The following PASK variants were observed in gnomAD, a reference collection of about 807,000 sequenced individuals.
The protein encoded by PASK is PAS domain-containing serine/threonine-protein kinase.
In PASK, 110 loss-of-function variants were observed where a neutral mutation model predicts 121.0. That is an observed-to-expected ratio of 0.91 (90% CI 0.78 to 1.06). The LOEUF (loss-of-function observed/expected upper bound fraction) is 1.06, where lower values mean the gene tolerates loss of function less well. Among genes scored for constraint, PASK ranks in the 50% least tolerant of loss-of-function variants. The pLI is 0.00. For missense variants in PASK, 1,643 were observed against 1,702.3 expected (o/e 0.97, Z 0.61); for synonymous variants, 686 against 717.8 (o/e 0.96, Z 0.71).
At chr2:241,130,763 A>G (rs1358049740) in intron 9 of PASK, among the ~76,000 whole-genome samples, 3 of 152,120 alleles carry the variant, frequency 2.0e-5, no homozygotes, top group Non-Finnish European at 4.4e-5. Context: ...GCACCGGCAC[A>G]TCGGCCAGTG....
intron 8 of PASK, 144 bp downstream of exon 8, chr2:241,135,727 C>T (rs2066384159): frequency 1.6e-6 from 1 of 639,986 alleles, no homozygotes; most frequent in Non-Finnish European, 2.7e-6. Flanking sequence ...AACCAGAAAA[C>T]AGTCACCCCC....
At chr2:241,118,138 C>T (rs1312289160) in intron 12 of PASK, among the ~76,000 whole-genome samples, 1 of 150,832 alleles carries the variant, frequency 6.6e-6, no homozygotes, top group African/African-American at 2.4e-5. Context: ...GGCTTTTTTG[C>T]AAAACTGACA....
chr2:241,122,966 G>T (rs1252536159), intron 11 of PASK, 67 bp from the exon 12 acceptor site: 1 of 1,520,748 alleles, frequency 6.6e-7, no homozygotes, highest in Non-Finnish European at 9.0e-7. Context: ...AGCACCCACA[G>T]TGGTCCCCCT....
intron 12 of PASK, among the ~76,000 whole-genome samples, chr2:241,116,098 G>A (rs2065353946): frequency 7.1e-6 from 1 of 141,294 alleles, no homozygotes; most frequent in Admixed American, 6.9e-5. Context: ...CATTACACCA[G>A]GGACACCCAA....
Position 241,148,803 on chromosome 2 carries a change from C to T in PASK, c.-43+611G>A, listed in dbSNP as rs560325046. On this transcript the variant is annotated intron_variant, in intron 1 of 17. Transcript: ENST00000234040. ...AGCAGAAAGATGAAGAGAGGGAACCCCTAAGAGAAAAATGGACATCGAATG... is the reference window on the plus strand; with the variant it reads ...AGCAGAAAGATGAAGAGAGGGAACCTCTAAGAGAAAAATGGACATCGAATG... Among the ~76,000 whole-genome samples, 8 of 152,226 alleles carry T rather than the reference C, an allele frequency of 5.3e-5. No individual in the cohort carries two copies. In the East Asian group the frequency reaches 1.5e-3, roughly 29 times the overall value.
chr2:241,106,945 T>C (rs2064909976), intron 17 of PASK, among the ~76,000 whole-genome samples: 1 of 152,228 alleles, frequency 6.6e-6, no homozygotes, highest in Admixed American at 6.5e-5. Flanking sequence ...GTTTTGGCTC[T>C]GTGGCCAGAG....
rs937589990 is a variant in PASK at position 241,107,477 on chromosome 2, C to G, written c.3690G>C (p.Gly1230=). ...VSKELMSLVS[G]LLQPVPERRT... The stretch of plus-strand genomic sequence containing the variant: ...GTCTCTCAGGGACTGGCTGCAGCAG[C>G]CCAGACACAAGGCTCATGAGTTCTG... The change falls in exon 17 of 18, where the codon GGG becomes GGC. Residue 1230 remains glycine, a synonymous_variant. Transcript: ENST00000234040. The G allele has an allele frequency of 1.9e-6, 3 of 1,614,030 alleles. No individual in the cohort carries two copies. The highest frequency in any genetic ancestry group is 2.5e-6 in the Non-Finnish European group (3 of 1,179,938).
At chr2:241,144,848 G>A (rs1270804623) in intron 1 of PASK, among the ~76,000 whole-genome samples, 1 of 152,176 alleles carries the variant, frequency 6.6e-6, no homozygotes, top group Non-Finnish European at 1.5e-5. Flanking sequence ...GCCATCTTTG[G>A]TGTTCTTGAC....
Position 241,115,320 on chromosome 2 carries a change from G to A in PASK, c.3166C>T (p.Leu1056=). Residue 1056 remains leucine, a synonymous_variant, in exon 13 of 18, where the codon CTA becomes TTA. Transcript: ENST00000234040. ...ATATTGGCGTGCTCCACCCTGGATA[G>A]AATTGCGATCTCTAAAGTAACTTTC... ...LGKVTLEIAI[L]SRVEHANIIK... 1 of 1,613,974 alleles carries A rather than the reference G, an allele frequency of 6.2e-7. No homozygotes were observed. The highest frequency in any genetic ancestry group is 1.7e-5 in the Admixed American group (1 of 60,012).
upstream of PASK, chr2:241,149,484 A>C: frequency 1.5e-6 from 1 of 646,258 alleles, no homozygotes; most frequent in Non-Finnish European, 2.6e-6. Flanking sequence ...CTTTTATCCC[A>C]CCGACCAATC....
intron 9 of PASK, among the ~76,000 whole-genome samples, chr2:241,128,308 C>T (rs148214169): frequency 4.6e-5 from 7 of 152,206 alleles, no homozygotes; most frequent in East Asian, 3.9e-4. Flanking sequence ...GAAGGGGACA[C>T]GGGCCGAAAA....
At position 241,108,756 on chromosome 2, in the gene PASK, C is replaced by T. The variant is rs2064989373; in HGVS notation, c.3534-456G>A. 3.5e-6 allele frequency: 1 copy of T among 286,194 alleles called. No homozygotes were observed. Among genetic ancestry groups the T allele is most frequent in the Non-Finnish European group, 6.9e-6 (1 of 145,076 alleles). 17.7% of individuals were successfully genotyped at this position (286,194 alleles called of 1,614,324 possible). A position where few individuals can be genotyped will look rare whatever the true frequency, so the allele number is the denominator to read the frequency against. On this transcript the variant is annotated intron_variant, in intron 15 of 17. Coordinates refer to ENST00000234040, the MANE Select transcript of PASK (RefSeq NM_015148.4). This position sits in a 1 kb window ranked among gnomAD's most constrained non-coding sequence, Gnocchi z 5.2. The stretch of plus-strand genomic sequence containing the variant: ...CTTGGTGTGACCATGGACACACATG[C>T]CCTTTAGGAAGATGGCTGTGGCGAC...
intron 12 of PASK, among the ~76,000 whole-genome samples, chr2:241,118,388 A>C (rs2065462556): frequency 6.6e-6 from 1 of 152,206 alleles, no homozygotes; most frequent in Non-Finnish European, 1.5e-5. Flanking sequence ...AAATCCATGC[A>C]TCTATGGTCA....
intron 1 of PASK, chr2:241,145,934 C>T (rs1360909846): frequency 7.1e-6 from 1 of 140,410 alleles, no homozygotes; most frequent in Non-Finnish European, 1.5e-5. Context: ...GAGACTCCGT[C>T]CCCCCCAAAA....
intron 10 of PASK, 131 bp downstream of exon 10, chr2:241,126,065 G>T: frequency 1.2e-6 from 1 of 832,540 alleles, no homozygotes; most frequent in Non-Finnish European, 2.0e-6. Context: ...CATTCTCCTT[G>T]AAAACATGAT....
chr2:241,131,539 T>C (rs1431984220), intron 9 of PASK, among the ~76,000 whole-genome samples: 1 of 152,198 alleles, frequency 6.6e-6, no homozygotes, highest in East Asian at 1.9e-4. Flanking sequence ...AACACAACTA[T>C]GTGGATAAAT....
intron 14 of PASK, 165 bp downstream of exon 14, chr2:241,114,878 T>C (rs2065261184): frequency 3.3e-6 from 5 of 1,522,758 alleles, no homozygotes; most frequent in Non-Finnish European, 4.4e-6. Flanking sequence ...ACTTCAATCA[T>C]AGAATTTTCT....
At position 241,106,429 on chromosome 2, in the gene PASK, G is replaced by A; in HGVS notation, c.*137C>T. The A allele has an allele frequency of 1.2e-6, 1 of 842,806 alleles. No homozygotes were observed. Among genetic ancestry groups the A allele is most frequent in the South Asian group, 1.3e-5 (1 of 74,698 alleles). 52.2% of individuals were successfully genotyped at this position (842,806 alleles called of 1,614,324 possible). A position where few individuals can be genotyped will look rare whatever the true frequency, so the allele number is the denominator to read the frequency against. ...TACAGCATCACTGTCTTCTGTTCTGGTGTTTATCAAACCTGCACATGAGTT... is the reference window on the plus strand; with the variant it reads ...TACAGCATCACTGTCTTCTGTTCTGATGTTTATCAAACCTGCACATGAGTT... On this transcript the variant is annotated 3_prime_UTR_variant, in exon 18 of 18. Coordinates refer to ENST00000234040, the MANE Select transcript of PASK (RefSeq NM_015148.4).
intron 12 of PASK, among the ~76,000 whole-genome samples, chr2:241,117,052 C>T (rs947535427): frequency 1.3e-5 from 2 of 152,018 alleles, no homozygotes. Flanking sequence ...GCAGAGCGCA[C>T]CTGAGCTGTG....
Sources: gnomAD v4.1 joint callset for allele counts (sites outside exome capture counted in the v4.1 genomes callset) on GRCh38, gnomAD v4.1.1 for gene constraint, Gnocchi (gnomAD v3.1) non-coding constraint, MANE v1.5 for transcripts, NCBI Gene and HGNC (gene_info 2026-07-23, HGNC 2026-07-21) for gene names.